RAPGEF2: variants seen among roughly 807,000 people sequenced by gnomAD.
The protein encoded by RAPGEF2 is Rap guanine nucleotide exchange factor 2, also known as PDZ domain containing guanine nucleotide exchange factor (GEF) 1.
A neutral mutation model predicts 186.7 loss-of-function variants in RAPGEF2; 54 were observed. The observed-to-expected ratio is 0.29, with a 90% CI of 0.23 to 0.36. The LOEUF (loss-of-function observed/expected upper bound fraction) is 0.36. Among genes scored for constraint, RAPGEF2 ranks in the 10% least tolerant of loss-of-function variants. The pLI, the probability that RAPGEF2 is intolerant of heterozygous loss-of-function variation, is 1.00. For synonymous variants in RAPGEF2, 712 were observed against 705.9 expected (o/e 1.01, Z -0.14); for missense variants, 1,532 against 2,045.0 (o/e 0.75, Z 4.84).
intron 7 of RAPGEF2, chr4:159,268,116 A>G (rs1423384195): frequency 1.9e-6 from 3 of 1,611,504 alleles, no homozygotes; most frequent in African/African-American, 2.7e-5. Context: ...AGAGATTGGT[A>G]CATGATGTGT....
chr4:159,122,433 T>G (rs1457914191), intron 1 of RAPGEF2, among the ~76,000 whole-genome samples: 1 of 150,886 alleles, frequency 6.6e-6, no homozygotes, highest in Non-Finnish European at 1.5e-5. Context: ...GAGCCGAGAC[T>G]GCACCACAGC....
chr4:159,190,043 G>C (rs1046089459), intron 2 of RAPGEF2, among the ~76,000 whole-genome samples: 3 of 152,116 alleles, frequency 2.0e-5, no homozygotes, highest in Non-Finnish European at 4.4e-5. Context: ...TCAAAAGGAG[G>C]GGTGACATTA....
intron 7 of RAPGEF2, among the ~76,000 whole-genome samples, chr4:159,252,387 T>A (rs1312676793): frequency 6.6e-6 from 1 of 152,186 alleles, no homozygotes. Flanking sequence ...AAAAAATGTT[T>A]CAATCATCAG....
intron 4 of RAPGEF2, among the ~76,000 whole-genome samples, chr4:159,238,366 G>A (rs952148911): frequency 4.0e-5 from 6 of 151,808 alleles, no homozygotes; most frequent in Non-Finnish European, 8.8e-5. Context: ...CACTTTTTAG[G>A]TGAAAAAAAA....
In RAPGEF2 at chr4:159,341,816, A is replaced by T. The variant is rs773865905; in HGVS notation, c.2787A>T (p.Thr929=). 6.2e-7 allele frequency: 1 copy of T among 1,613,994 alleles called. No homozygotes were observed. Among genetic ancestry groups the T allele is most frequent in the South Asian group, 1.1e-5 (1 of 91,072 alleles). Residue 929 remains threonine, a synonymous_variant, in exon 20 of 30, where the codon ACA becomes ACT. Coordinates refer to ENST00000691494, the MANE Select transcript of RAPGEF2 (RefSeq NM_001394067.2). ...KRFEEVINQE[T]FWVASEILRE... Reference sequence around the variant, plus strand: ...TTGAAGAAGTCATTAACCAGGAAACATTTTGGGTAGCATCTGAAATTCTCA... The same window carrying T: ...TTGAAGAAGTCATTAACCAGGAAACTTTTTGGGTAGCATCTGAAATTCTCA...
chr4:159,135,185 A>G (rs186625445), intron 1 of RAPGEF2, among the ~76,000 whole-genome samples: 36 of 152,204 alleles, frequency 2.4e-4, no homozygotes, highest in Non-Finnish European at 4.1e-4. Flanking sequence ...CTGGTACTAT[A>G]GGTGTGTGCC....
chr4:159,277,624 G>T (rs1217251256), intron 7 of RAPGEF2, among the ~76,000 whole-genome samples: 4 of 152,180 alleles, frequency 2.6e-5, no homozygotes, highest in Non-Finnish European at 5.9e-5. Flanking sequence ...CATTCTAACT[G>T]GCGTAAGATG....
chr4:159,222,994 A>G (rs1291241378), intron 4 of RAPGEF2, among the ~76,000 whole-genome samples: 1 of 151,918 alleles, frequency 6.6e-6, no homozygotes, highest in Non-Finnish European at 1.5e-5. Flanking sequence ...TGTATTATGT[A>G]CCCACTTAAT....
At chr4:159,117,466 C>A (rs542802690) in intron 1 of RAPGEF2, among the ~76,000 whole-genome samples, 6 of 152,112 alleles carry the variant, frequency 3.9e-5, no homozygotes, top group Non-Finnish European at 8.8e-5. Flanking sequence ...TCTATTTTCT[C>A]TGGTGTGGTT....
intron 1 of RAPGEF2, among the ~76,000 whole-genome samples, chr4:159,113,801 G>A (rs1047273798): frequency 6.3e-5 from 9 of 142,212 alleles, no homozygotes; most frequent in Non-Finnish European, 1.4e-4. Context: ...TCTTAATGAA[G>A]AGCCTAGTAC....
At chr4:159,216,598 GA>G (rs1190797021) in intron 4 of RAPGEF2, among the ~76,000 whole-genome samples, 3 of 152,050 alleles carry the variant, frequency 2.0e-5, no homozygotes, top group Non-Finnish European at 4.4e-5. Context: ...GTAGTTTAGG[GA>G]GTGAAATAGT....
intron 7 of RAPGEF2, among the ~76,000 whole-genome samples, chr4:159,250,665 C>CTTTT (rs34304252): frequency 0.024 from 2,960 of 122,684 alleles, 102 homozygotes; most frequent in African/African-American, 0.088. Context: ...TAGCACTCTT[C>CTTTT]TTTTTTTTTT....
At chr4:159,226,181 G>GTT (rs1162348260) in intron 4 of RAPGEF2, among the ~76,000 whole-genome samples, 1 of 152,058 alleles carries the variant, frequency 6.6e-6, no homozygotes, top group African/African-American at 2.4e-5. Context: ...AAGGGTTGAG[G>GTT]TTTACATTTC....
chr4:159,349,367 G>A (rs1015351426), intron 25 of RAPGEF2, among the ~76,000 whole-genome samples: 3 of 152,110 alleles, frequency 2.0e-5, no homozygotes, highest in Admixed American at 6.5e-5. Flanking sequence ...AATATGAGAG[G>A]CTTTGTAAAA....
chr4:159,228,293 C>T (rs1194971579), intron 4 of RAPGEF2: 1 of 152,202 alleles, frequency 6.6e-6, no homozygotes, highest in Non-Finnish European at 1.5e-5. Context: ...GAGAAAAGAG[C>T]TCCTATAGAA....
intron 1 of RAPGEF2, among the ~76,000 whole-genome samples, chr4:159,156,473 A>G (rs1561022198): frequency 6.6e-6 from 1 of 152,004 alleles, no homozygotes; most frequent in African/African-American, 2.4e-5. Flanking sequence ...AGCCTGAGGA[A>G]CTTTTTTTTT....
At chr4:159,242,474 A>G (rs567049231) in intron 6 of RAPGEF2, among the ~76,000 whole-genome samples, 1 of 152,070 alleles carries the variant, frequency 6.6e-6, no homozygotes, top group African/African-American at 2.4e-5. Context: ...CCCACACTTC[A>G]TATATTCTAT....
intron 26 of RAPGEF2, chr4:159,351,184 G>T: frequency 6.5e-7 from 1 of 1,533,646 alleles, no homozygotes; most frequent in South Asian, 1.2e-5. Context: ...TGGGATAGGT[G>T]GGGTTTATAG....
intron 7 of RAPGEF2, among the ~76,000 whole-genome samples, chr4:159,295,756 C>T (rs4690935): frequency 0.17 from 14,946 of 88,710 alleles, 815 homozygotes; most frequent in Middle Eastern, 0.24. Context: ...TGTGTGTGTG[C>T]GCGCGCGCGC....
Sources: allele counts gnomAD v4.1 joint callset (sites outside exome capture counted in the v4.1 genomes callset), GRCh38; gene constraint gnomAD v4.1.1; transcripts MANE v1.5; gene names NCBI Gene and HGNC (gene_info 2026-07-23, HGNC 2026-07-21).